The following MACROD2 variants were observed in gnomAD, a reference collection of about 807,000 sequenced individuals.
MACROD2 encodes the protein ADP-ribose glycohydrolase MACROD2.
MACROD2 carries 36 observed loss-of-function variants against 70.4 expected under a neutral mutation model. The ratio of observed to expected loss-of-function variants is 0.51; its 90% CI spans 0.39 to 0.68. MACROD2 has a LOEUF of 0.68. MACROD2 is among the 30% of genes least tolerant of loss of function. The probability of loss-of-function intolerance (pLI) is 0.00; values close to 1 mark genes in which losing one functional copy is unlikely to be tolerated. For synonymous variants in MACROD2, 172 were observed against 178.8 expected (o/e 0.96, Z 0.30); for missense variants, 496 against 538.4 (o/e 0.92, Z 0.78).
intron 6 of MACROD2, among the ~76,000 whole-genome samples, chr20:15,340,640 C>T (rs542972714): frequency 1.3e-5 from 2 of 152,188 alleles, no homozygotes; most frequent in East Asian, 3.9e-4. Context: ...CTAACCTATC[C>T]CCAGCTTACT....
intron 5 of MACROD2, among the ~76,000 whole-genome samples, chr20:15,213,917 G>GT (rs1039578124): frequency 2.7e-5 from 4 of 148,556 alleles, no homozygotes; most frequent in Non-Finnish European, 6.0e-5. Flanking sequence ...TTTATTTTTT[G>GT]TTTTTTTGTG....
intron 3 of MACROD2, among the ~76,000 whole-genome samples, chr20:14,299,446 G>C (rs1162460850): frequency 6.6e-6 from 1 of 152,080 alleles, no homozygotes; most frequent in African/African-American, 2.4e-5. Flanking sequence ...CTCTTTATGG[G>C]TGAGGAGTTG....
At chr20:14,064,651 A>G (rs760347899) in intron 2 of MACROD2, among the ~76,000 whole-genome samples, 7 of 152,170 alleles carry the variant, frequency 4.6e-5, no homozygotes, top group Non-Finnish European at 8.8e-5. Flanking sequence ...TCAGGCGAAG[A>G]TTATTTTAAG....
chr20:14,796,147 T>TA (rs1212595748), intron 5 of MACROD2, among the ~76,000 whole-genome samples: 1 of 152,118 alleles, frequency 6.6e-6, no homozygotes, highest in Non-Finnish European at 1.5e-5. Context: ...TCTGCTGACT[T>TA]ATCACATTTT....
chr20:14,534,001 GTTC>G (rs1460897668), intron 4 of MACROD2, among the ~76,000 whole-genome samples: 1 of 152,086 alleles, frequency 6.6e-6, no homozygotes, highest in Non-Finnish European at 1.5e-5. Flanking sequence ...GTAATATTTA[GTTC>G]TTCTTCTGCA....
At position 14,744,024 on chromosome 20, in the gene MACROD2, A is replaced by T. The variant is rs978708768; in HGVS notation, c.418+59065A>T. 2.2e-4 allele frequency among the ~76,000 whole-genome samples: 33 copies of T among 152,178 alleles called. 1 individual carries two copies. The highest frequency in any genetic ancestry group is 1.5e-5 in the Non-Finnish European group (1 of 68,004). Reference sequence around the variant, plus strand: ...AAGGAAATAGATGCTGTTTTCAGAGACTCCAGAAAAAAAATCAGCTTGACC... The same window carrying T: ...AAGGAAATAGATGCTGTTTTCAGAGTCTCCAGAAAAAAAATCAGCTTGACC... On this transcript the variant is annotated intron_variant, in intron 5 of 17. Transcript: ENST00000684519.
At chr20:14,530,447 G>T (rs893917233) in intron 4 of MACROD2, among the ~76,000 whole-genome samples, 1 of 152,122 alleles carries the variant, frequency 6.6e-6, no homozygotes, top group Non-Finnish European at 1.5e-5. Context: ...GCTCTCAAAT[G>T]GGGTACTTTC....
chr20:14,662,030 C>T (rs967261623), intron 4 of MACROD2, among the ~76,000 whole-genome samples: 6 of 152,012 alleles, frequency 3.9e-5, no homozygotes, highest in African/African-American at 1.4e-4. Flanking sequence ...AACTCCATAG[C>T]AAACTTAAGT....
intron 7 of MACROD2, among the ~76,000 whole-genome samples, chr20:15,498,643 T>G (rs1444277239): frequency 6.6e-6 from 1 of 152,128 alleles, no homozygotes; most frequent in Non-Finnish European, 1.5e-5. Context: ...AGAAGTAGAT[T>G]AATGGTTACC....
At chr20:14,998,891 A>G (rs1475504909) in intron 5 of MACROD2, among the ~76,000 whole-genome samples, 1 of 152,222 alleles carries the variant, frequency 6.6e-6, no homozygotes, top group Non-Finnish European at 1.5e-5. Context: ...GCAGGAGAAA[A>G]GAAACAACTA....
In MACROD2 at chr20:14,534,149, C is replaced by A. The variant is rs142569646; in HGVS notation, c.301+40641C>A. ...TGTTTCTTGAGGATGGTGTGGAGAT[C>A]CAGCTGTGAAAGCCTAAAACACAGG... On this transcript the variant is annotated intron_variant, in intron 4 of 17. Transcript: ENST00000684519. Among the ~76,000 whole-genome samples, 232 of 152,242 alleles carry A rather than the reference C, an allele frequency of 1.5e-3. 1 individual carries two copies. The highest frequency in any genetic ancestry group is 1.2e-3 in the Non-Finnish European group (81 of 68,008).
At chr20:14,383,534 A>G (rs1004890431) in intron 3 of MACROD2, among the ~76,000 whole-genome samples, 7 of 152,188 alleles carry the variant, frequency 4.6e-5, no homozygotes, top group African/African-American at 1.2e-4. Context: ...TAGAGGACTG[A>G]CGATGCTAGC....
intron 3 of MACROD2, among the ~76,000 whole-genome samples, chr20:14,154,342 C>A (rs972074412): frequency 1.1e-4 from 17 of 151,772 alleles, no homozygotes; most frequent in African/African-American, 3.6e-4. Flanking sequence ...GAAAATGGAA[C>A]CTGCTGGAGT....
At chr20:15,435,968 T>A (rs772212876) in intron 7 of MACROD2, among the ~76,000 whole-genome samples, 2 of 152,168 alleles carry the variant, frequency 1.3e-5, no homozygotes, top group South Asian at 4.1e-4. Context: ...TACTTGTCTC[T>A]TTCTCCTCTG....
In MACROD2 at chr20:14,833,309, G is replaced by C. The variant is rs142142879; in HGVS notation, c.418+148350G>C. Among the ~76,000 whole-genome samples, 923 of 152,108 alleles carry C rather than the reference G, an allele frequency of 6.1e-3. 15 individuals carry two copies. The highest frequency in any genetic ancestry group is 9.6e-3 in the Non-Finnish European group (651 of 67,954). The stretch of plus-strand genomic sequence containing the variant: ...CTAAGATAGCTGCCATGACTTAGGA[G>C]AAATCCCTGAGGAAGAAAAAATTGA... On this transcript the variant is annotated intron_variant, in intron 5 of 17. Coordinates refer to ENST00000684519, the MANE Select transcript of MACROD2 (RefSeq NM_001351661.2).
At chr20:15,493,599 C>A (rs1036680391) in intron 7 of MACROD2, among the ~76,000 whole-genome samples, 2 of 152,082 alleles carry the variant, frequency 1.3e-5, no homozygotes, top group African/African-American at 4.8e-5. Flanking sequence ...AATTTTATAT[C>A]AGGTGAACAA....
intron 8 of MACROD2, among the ~76,000 whole-genome samples, chr20:15,688,905 A>G (rs953924919): frequency 6.6e-6 from 1 of 152,238 alleles, no homozygotes; most frequent in Non-Finnish European, 1.5e-5. Flanking sequence ...GCTAATGCCA[A>G]TCACTGACAT....
chr20:15,350,320 C>T (rs922779798), intron 6 of MACROD2, among the ~76,000 whole-genome samples: 7 of 152,134 alleles, frequency 4.6e-5, no homozygotes, highest in African/African-American at 1.4e-4. Context: ...GAAGCTCAAG[C>T]AAAAATTAAT....
chr20:15,382,786 C>T (rs2045661040), intron 6 of MACROD2, among the ~76,000 whole-genome samples: 1 of 152,140 alleles, frequency 6.6e-6, no homozygotes, highest in South Asian at 2.1e-4. Context: ...TAGACACTTA[C>T]ACATCCCTGA....
Sources: gnomAD v4.1 joint callset for allele counts (sites outside exome capture counted in the v4.1 genomes callset) on GRCh38, gnomAD v4.1.1 for gene constraint, MANE v1.5 for transcripts, NCBI Gene and HGNC (gene_info 2026-07-23, HGNC 2026-07-21) for gene names.